SANBR: variants seen among roughly 807,000 people sequenced by gnomAD.
SANBR encodes the protein SANT and BTB domain regulator of CSR.
SANBR carries 77 observed loss-of-function variants against 101.8 expected under a neutral mutation model. The observed-to-expected ratio is 0.76, with a 90% CI of 0.63 to 0.91. The LOEUF (loss-of-function observed/expected upper bound fraction) is 0.91, where lower values mean the gene tolerates loss of function less well. Ranked by LOEUF, SANBR falls within the 40% of genes least tolerant of loss-of-function variation. SANBR has a pLI of 0.00. For synonymous variants in SANBR, 279 were observed against 274.7 expected (o/e 1.02, Z -0.15); for missense variants, 875 against 853.0 (o/e 1.03, Z -0.32).
In SANBR at chr2:61,088,403, A is replaced by C. The variant is rs373235670; in HGVS notation, c.1023A>C (p.Arg341Ser). ...TTTTAACAAAAGAAACAGAAAGAAG[A>C]ATTCCTTGCATTCCTGGAAAAATCA... ...KKLLTKETER[R>S]IPCIPGKINV... is the part of the protein sequence containing the mutation. Residue 341 changes from arginine (R) to serine (S), a missense_variant, in exon 10 of 22, where the codon AGA becomes AGC. By Grantham distance (110) the Arg-to-Ser change is moderately radical. Coordinates refer to ENST00000402291, the MANE Select transcript of SANBR (RefSeq NM_001129993.3). 1.9e-5 allele frequency: 30 copies of C among 1,607,206 alleles called. No individual in the cohort carries two copies. The highest frequency in any genetic ancestry group is 2.5e-5 in the Non-Finnish European group (29 of 1,177,146).
chr2:61,134,049 A>G, intron 20 of SANBR: 1 of 1,554,476 alleles, frequency 6.4e-7, no homozygotes, highest in Non-Finnish European at 8.8e-7. Context: ...CCTAACAGCT[A>G]CATCATTTTG....
chr2:61,098,477 A>G (rs1683140213), intron 12 of SANBR, among the ~76,000 whole-genome samples: 1 of 152,112 alleles, frequency 6.6e-6, no homozygotes, highest in African/African-American at 2.4e-5. Context: ...TTACTCAACA[A>G]CATAACTAGG....
intron 12 of SANBR, among the ~76,000 whole-genome samples, chr2:61,102,458 C>T (rs1683335415): frequency 6.6e-6 from 1 of 151,780 alleles, no homozygotes; most frequent in Non-Finnish European, 1.5e-5. Flanking sequence ...AAAGGACAGC[C>T]TCATTTGTAA....
intron 5 of SANBR, among the ~76,000 whole-genome samples, chr2:61,076,558 G>A (rs1681790385): frequency 6.7e-6 from 1 of 150,048 alleles, no homozygotes; most frequent in Non-Finnish European, 1.5e-5. Flanking sequence ...AACCCGGGAG[G>A]CGGAGCTTAC....
At chr2:61,099,290 C>T (rs184798561) in intron 12 of SANBR, among the ~76,000 whole-genome samples, 2 of 152,270 alleles carry the variant, frequency 1.3e-5, no homozygotes, top group East Asian at 1.9e-4. Context: ...AGTGGAATCA[C>T]GTACAAAAGG....
At chr2:61,089,505 A>G (rs1195311663) in intron 10 of SANBR, 1 of 151,944 alleles carries the variant, frequency 6.6e-6, no homozygotes, top group Non-Finnish European at 1.5e-5. Context: ...ACTCCATCTG[A>G]AAAAAATAAA....
rs776547148 is a variant in SANBR at position 61,088,441 on chromosome 2, G to T, written c.1061G>T (p.Arg354Leu). ...CIPGKINVDR[R>L]GNIVYIHIRD... The stretch of plus-strand genomic sequence containing the variant: ...CCTGGAAAAATCAATGTGGATCGAC[G>T]TGGAAATATTGTCTATATTCACATA... The change falls in exon 10 of 22, where the codon CGT becomes CTT. Residue 354 changes from arginine (R) to leucine (L), a missense_variant. Physicochemically the swap from Arg to Leu is moderately radical, Grantham distance 102. Transcript: ENST00000402291. 2 of 1,607,664 alleles carry T rather than the reference G, an allele frequency of 1.2e-6. No individual in the cohort carries two copies. The highest frequency in any genetic ancestry group is 1.7e-5 in the Admixed American group (1 of 59,304).
At chr2:61,132,530 A>G (rs1684719093) in intron 20 of SANBR, among the ~76,000 whole-genome samples, 1 of 152,224 alleles carries the variant, frequency 6.6e-6, no homozygotes, top group African/African-American at 2.4e-5. Flanking sequence ...AAATGTTGCC[A>G]AGGATGTGGA....
rs749202997 is a variant in SANBR at position 61,077,113 on chromosome 2, A to G, written c.625A>G (p.Lys209Glu). 10 of 1,613,642 alleles carry G rather than the reference A, an allele frequency of 6.2e-6. No individual in the cohort carries two copies. The highest frequency in any genetic ancestry group is 8.5e-6 in the Non-Finnish European group (10 of 1,179,520). The change falls in exon 6 of 22, where the codon AAA becomes GAA. Residue 209 changes from lysine to glutamate, a missense_variant. Lys to Glu is a moderately conservative substitution (Grantham distance 56). Coordinates refer to ENST00000402291, the MANE Select transcript of SANBR (RefSeq NM_001129993.3). Reference protein sequence around the residue: ...HIFNWLIKYIKRNTKENKDCE... With the variant: ...HIFNWLIKYIERNTKENKDCE... ...TTTCAACTGGTTGATAAAATACATTAAAAGGAACACTAAGGAGAATAAAGA... is the reference window on the plus strand; with the variant it reads ...TTTCAACTGGTTGATAAAATACATTGAAAGGAACACTAAGGAGAATAAAGA...
chr2:61,111,039 C>G (rs905892549), intron 16 of SANBR, among the ~76,000 whole-genome samples: 1 of 152,104 alleles, frequency 6.6e-6, no homozygotes, highest in Non-Finnish European at 1.5e-5. Flanking sequence ...ATGGGACATT[C>G]TCTTAGAGAA....
At chr2:61,070,061 G>A (rs1681380520) in intron 2 of SANBR, among the ~76,000 whole-genome samples, 1 of 151,990 alleles carries the variant, frequency 6.6e-6, no homozygotes, top group Non-Finnish European at 1.5e-5. Flanking sequence ...TAAAATTGGG[G>A]ACTCTGTCTC....
intron 11 of SANBR, among the ~76,000 whole-genome samples, chr2:61,096,177 G>T (rs985555698): frequency 2.6e-5 from 4 of 151,978 alleles, no homozygotes; most frequent in Admixed American, 1.3e-4. Flanking sequence ...AGATAAAATG[G>T]TTTTACCTTC....
intron 16 of SANBR, 51 bp downstream of exon 16, chr2:61,109,347 A>T: frequency 9.6e-7 from 1 of 1,036,308 alleles, no homozygotes; most frequent in Non-Finnish European, 1.4e-6. Context: ...AAGGGGTTAC[A>T]TTCTGAAGCC....
In SANBR at chr2:61,103,901, G is replaced by A; in HGVS notation, c.1414G>A (p.Gly472Ser). The A allele has an allele frequency of 3.1e-6, 5 of 1,614,194 alleles. No individual in the cohort carries two copies. Among genetic ancestry groups the A allele is most frequent in the Non-Finnish European group, 3.4e-6 (4 of 1,180,042 alleles). The change falls in exon 13 of 22, where the codon GGC (glycine) becomes AGC (serine). Residue 472 changes from glycine to serine, a missense_variant. Transcript: ENST00000402291. ...GGTTACACTTCGTGATCAAGGTGAA[G>A]GCGGAGATTTGCCGTCCTGTCCCAC... Reference protein sequence around the residue: ...HMVTLRDQGEGGDLPSCPTAR... With the variant: ...HMVTLRDQGESGDLPSCPTAR...
downstream of SANBR, chr2:61,124,316 T>C (rs1001474245): frequency 1.1e-6 from 1 of 922,788 alleles, no homozygotes; most frequent in South Asian, 5.0e-5. Context: ...AATTATTCCA[T>C]CTTCTCAGAA....
chr2:61,106,785 A>T lies in SANBR; in HGVS notation c.1611+123A>T, dbSNP rs771758069. 13 of 578,056 alleles carry T rather than the reference A, an allele frequency of 2.2e-5. No individual in the cohort carries two copies. In the Admixed American group the frequency reaches 5.0e-4, roughly 22 times the overall value. 35.8% of individuals were successfully genotyped at this position (578,056 alleles called of 1,614,324 possible). A position where few individuals can be genotyped will look rare whatever the true frequency, so the allele number is the denominator to read the frequency against. On this transcript the variant is annotated intron_variant, in intron 14 of 21. Transcript: ENST00000402291. ...GACTACCTAATCATAAGAAGGTATT[A>T]TGCCTAGTAATAGGACTCTAAGGGC...
chr2:61,078,575 C>G (rs1468249531), intron 6 of SANBR, among the ~76,000 whole-genome samples: 1 of 151,946 alleles, frequency 6.6e-6, no homozygotes, highest in Non-Finnish European at 1.5e-5. Context: ...GTGCATGTCA[C>G]CACGCCCTGC....
rs946592551 is a variant in SANBR, at chr2:61,088,259, T to C, written c.977+14T>C. 2.6e-5 allele frequency: 41 copies of C among 1,590,840 alleles called. No individual in the cohort carries two copies. The highest frequency in any genetic ancestry group is 3.3e-5 in the Non-Finnish European group (39 of 1,168,832). ...AACATTGTATAGGTATGCTAACATG[T>C]TTTTTTCTTTGGTGTACTTTATAAT... On this transcript the variant is annotated intron_variant, in intron 9 of 21. Coordinates refer to ENST00000402291, the MANE Select transcript of SANBR (RefSeq NM_001129993.3).
intron 20 of SANBR, among the ~76,000 whole-genome samples, chr2:61,129,328 C>G (rs1314927299): frequency 1.3e-5 from 2 of 151,754 alleles, no homozygotes; most frequent in Non-Finnish European, 2.9e-5. Context: ...CCTGTAATCC[C>G]AGCTACTCGG....
Sources: gnomAD v4.1 joint callset for allele counts (sites outside exome capture counted in the v4.1 genomes callset) on GRCh38, gnomAD v4.1.1 for gene constraint, MANE v1.5 for transcripts, NCBI Gene and HGNC (gene_info 2026-07-23, HGNC 2026-07-21) for gene names.